Variants in SBNO2 observed in about 807,000 individuals in gnomAD.
SBNO2 encodes the protein protein strawberry notch homolog 2.
SBNO2 carries 89 observed loss-of-function variants against 146.3 expected under a neutral mutation model. The ratio of observed to expected loss-of-function variants is 0.61; its 90% confidence interval spans 0.51 to 0.73. The LOEUF is 0.73. SBNO2 is among the 30% of genes least tolerant of loss of function. The probability of loss-of-function intolerance (pLI) is 0.00; values close to 1 mark genes in which losing one functional copy is unlikely to be tolerated. For missense variants in SBNO2, 2,092 were observed against 2,003.7 expected (o/e 1.04, Z -0.84); for synonymous variants, 1,147 against 892.6 (o/e 1.29, Z -5.08).
At chr19:1,135,788 G>C (rs1254005144) in intron 4 of SBNO2, among the ~76,000 whole-genome samples, 3 of 151,978 alleles carry the variant, frequency 2.0e-5, no homozygotes, top group Admixed American at 2.0e-4. Flanking sequence ...CCTGGAGGGG[G>C]CTGGGGGGCA....
chr19:1,107,913 G>A lies in SBNO2; in HGVS notation c.*307C>T, dbSNP rs745885955. 5.0e-6 allele frequency: 1 copy of A among 199,348 alleles called. No individual in the cohort carries two copies. The highest frequency in any genetic ancestry group is 1.0e-5 in the Non-Finnish European group (1 of 98,280). The allele number at this position is 199,348 out of a possible 1,614,324, so 12.3% of individuals were successfully genotyped here. On this transcript the variant is annotated 3_prime_UTR_variant, in exon 32 of 32. Coordinates refer to ENST00000361757, the MANE Select transcript of SBNO2 (RefSeq NM_014963.3). The stretch of plus-strand genomic sequence containing the variant: ...AGCTCTTGGGACCACCCGGTTTCAC[G>A]GATTTCAAGGGTTTGGGCCCACTGA...
intron 11 of SBNO2, among the ~76,000 whole-genome samples, chr19:1,121,490 G>A (rs991066207): frequency 3.3e-5 from 5 of 152,188 alleles, no homozygotes; most frequent in African/African-American, 9.7e-5. Context: ...GCAGGCCAAC[G>A]TCCCTCCCTT....
chr19:1,125,196 C>CAA (rs397859410), intron 5 of SBNO2, among the ~76,000 whole-genome samples: 5 of 133,698 alleles, frequency 3.7e-5, no homozygotes, highest in East Asian at 2.1e-4. Context: ...ACTAAAGATA[C>CAA]AAAAAAAAAA....
At chr19:1,117,852 C>A (rs2079851876) in intron 14 of SBNO2, among the ~76,000 whole-genome samples, 2 of 152,226 alleles carry the variant, frequency 1.3e-5, no homozygotes, top group African/African-American at 4.8e-5. Context: ...GGACACTGGG[C>A]ATGTCTGGGG....
intron 4 of SBNO2, among the ~76,000 whole-genome samples, chr19:1,130,095 G>A (rs1157338342): frequency 6.6e-6 from 1 of 152,166 alleles, no homozygotes; most frequent in East Asian, 1.9e-4. Flanking sequence ...AACCATCACA[G>A]CCCAGAGGGG....
In SBNO2 at chr19:1,123,931, G is replaced by A; in HGVS notation, c.522+11C>T. 2 of 1,609,524 alleles carry A rather than the reference G, an allele frequency of 1.2e-6. No individual in the cohort carries two copies. The highest frequency in any genetic ancestry group is 1.7e-6 in the Non-Finnish European group (2 of 1,178,342). On this transcript the variant is annotated intron_variant, in intron 6 of 31. Coordinates refer to ENST00000361757, the MANE Select transcript of SBNO2 (RefSeq NM_014963.3). ...GGCAGGGGAGGGAGCTCTCGGCTGG[G>A]CCCAGCTCACCTGGTAGCTGACGAG...
intron 4 of SBNO2, among the ~76,000 whole-genome samples, chr19:1,132,707 C>T (rs113074744): frequency 2.2e-4 from 33 of 152,244 alleles, no homozygotes; most frequent in African/African-American, 7.9e-4. Flanking sequence ...CTGAGGTCCC[C>T]GAGAAGCCCC....
At chr19:1,129,924 T>A (rs1395168374) in intron 4 of SBNO2, among the ~76,000 whole-genome samples, 1 of 152,094 alleles carries the variant, frequency 6.6e-6, no homozygotes, top group Non-Finnish European at 1.5e-5. Context: ...CAGGTGCCCT[T>A]GGCCCAAGAA....
In SBNO2 at chr19:1,114,272, ACGT is replaced by A; in HGVS notation, c.2033_2035del (p.Asp678del). 2 of 1,546,504 alleles carry A rather than the reference ACGT, an allele frequency of 1.3e-6. No individual in the cohort carries two copies. Among genetic ancestry groups the A allele is most frequent in the African/African-American group, 2.7e-5 (2 of 72,820 alleles). On this transcript the variant is annotated inframe_deletion, in exon 18 of 32. Coordinates refer to ENST00000361757, the MANE Select transcript of SBNO2 (RefSeq NM_014963.3). ...GAGCCCGACTGCATCAACGATGACAACGTCGTCATCCACCAGGGACTCGGGGGA... is the reference window on the plus strand; with the variant it reads ...GAGCCCGACTGCATCAACGATGACAACGTCATCCACCAGGGACTCGGGGGA...
chr19:1,133,500 T>C (rs952970318), intron 4 of SBNO2, among the ~76,000 whole-genome samples: 10 of 152,180 alleles, frequency 6.6e-5, no homozygotes, highest in Non-Finnish European at 1.5e-4. Context: ...CCAGCCCCAC[T>C]GGGGCCCCGC....
Position 1,108,214 on chromosome 19 carries a change from GGCGTGTCAGAGAGGA to G in SBNO2, c.4092_*5del. The G allele has an allele frequency of 6.5e-7, 1 of 1,527,130 alleles. No individual in the cohort carries two copies. Among genetic ancestry groups the G allele is most frequent in the Non-Finnish European group, 8.8e-7 (1 of 1,135,164 alleles). The allele number at this position is 1,527,130 out of a possible 1,614,324, so 94.6% of individuals were successfully genotyped here. A position where few individuals can be genotyped will look rare whatever the true frequency, so the allele number is the denominator to read the frequency against. ...TGTCTTGGGGCATGTTTCGCCTAAA[GGCGTGTCAGAGAGGA>G]GCCTGGGCGCCGGGGAAGGGTGGGC... On this transcript the variant is annotated stop_lost and 3_prime_UTR_variant, in exon 32 of 32. Coordinates refer to ENST00000361757, the MANE Select transcript of SBNO2 (RefSeq NM_014963.3).
intron 3 of SBNO2, among the ~76,000 whole-genome samples, chr19:1,148,183 G>A (rs2080212150): frequency 6.6e-6 from 1 of 151,942 alleles, no homozygotes; most frequent in Admixed American, 6.5e-5. Context: ...GGAGCCGGAG[G>A]CCTTGGGTTG....
intron 2 of SBNO2, among the ~76,000 whole-genome samples, chr19:1,151,001 G>A (rs2080237523): frequency 6.6e-6 from 1 of 152,368 alleles, no homozygotes; most frequent in East Asian, 1.9e-4. Flanking sequence ...TCCTGCACCC[G>A]TGAGAAGACC....
intron 2 of SBNO2, among the ~76,000 whole-genome samples, chr19:1,153,430 G>C (rs556109409): frequency 1.3e-5 from 2 of 151,254 alleles, no homozygotes; most frequent in East Asian, 2.0e-4. Context: ...GTAGAGACAG[G>C]GTTTCACCAT....
intron 13 of SBNO2, 91 bp downstream of exon 13, chr19:1,119,425 A>G: frequency 9.5e-7 from 1 of 1,053,946 alleles, no homozygotes; most frequent in Non-Finnish European, 1.4e-6. Context: ...CTGGGGAAGC[A>G]CACGTGGCAG....
At chr19:1,141,007 T>G (rs528192282) in intron 4 of SBNO2, among the ~76,000 whole-genome samples, 1 of 150,786 alleles carries the variant, frequency 6.6e-6, no homozygotes, top group Admixed American at 6.6e-5. Flanking sequence ...AGACACACCC[T>G]GGAGAAGACA....
chr19:1,117,422 C>G lies in SBNO2; in HGVS notation c.1605G>C (p.Gln535His). ...GLESRKSLWGQFWSAHQRFFK... is the reference protein window; with the variant it reads ...GLESRKSLWGHFWSAHQRFFK... ...AGAAGCGCTGGTGTGCCGACCAGAA[C>G]TGGCCCCACAGGGACTTGCGCGACT... Residue 535 changes from glutamine to histidine, a missense_variant, in exon 15 of 32, where the codon CAG (glutamine) becomes CAC (histidine). Transcript: ENST00000361757. 1.3e-6 allele frequency: 2 copies of G among 1,591,278 alleles called. No individual in the cohort carries two copies. Among genetic ancestry groups the G allele is most frequent in the Non-Finnish European group, 8.5e-7 (1 of 1,170,362 alleles).
rs961862873 is a variant in SBNO2 at position 1,111,105 on chromosome 19, G to A, written c.2810-12C>T. On this transcript the variant is annotated splice_polypyrimidine_tract_variant and intron_variant, in intron 24 of 31. Coordinates refer to ENST00000361757, the MANE Select transcript of SBNO2 (RefSeq NM_014963.3). ...GCCCTGCTTCATGTCTGCGGGGAGAGGGGCCTCACATGCTGGTCTTCCCAC... is the reference window on the plus strand; with the variant it reads ...GCCCTGCTTCATGTCTGCGGGGAGAAGGGCCTCACATGCTGGTCTTCCCAC... 4.5e-6 allele frequency: 7 copies of A among 1,544,090 alleles called. No individual in the cohort carries two copies. Among genetic ancestry groups the A allele is most frequent in the African/African-American group, 1.4e-5 (1 of 73,040 alleles).
intron 1 of SBNO2, among the ~76,000 whole-genome samples, chr19:1,154,914 A>G (rs542884407): frequency 2.5e-4 from 38 of 152,268 alleles, no homozygotes; most frequent in Non-Finnish European, 4.6e-4. Flanking sequence ...GAGCTGGAAG[A>G]GCACCCAGAC....
Sources: allele counts gnomAD v4.1 joint callset (sites outside exome capture counted in the v4.1 genomes callset), GRCh38; gene constraint gnomAD v4.1.1; transcripts MANE v1.5; gene names NCBI Gene and HGNC (gene_info 2026-07-23, HGNC 2026-07-21).